KIAA1217: variants seen among roughly 807,000 people sequenced by gnomAD.
KIAA1217 encodes sickle tail protein homolog.
A neutral mutation model predicts 163.9 loss-of-function variants in KIAA1217; 88 were observed. The ratio of observed to expected loss-of-function variants is 0.54; its 90% confidence interval spans 0.45 to 0.64. The LOEUF (loss-of-function observed/expected upper bound fraction) is 0.64, where lower values mean the gene tolerates loss of function less well. KIAA1217 is among the 30% of genes least tolerant of loss of function. KIAA1217 has a pLI of 0.00. For missense variants in KIAA1217, 2,372 were observed against 2,475.0 expected (o/e 0.96, Z 0.88); for synonymous variants, 903 against 923.1 (o/e 0.98, Z 0.39).
At chr10:24,407,900 T>A (rs1194272547) in intron 3 of KIAA1217, among the ~76,000 whole-genome samples, 1 of 152,174 alleles carries the variant, frequency 6.6e-6, no homozygotes, top group Non-Finnish European at 1.5e-5. Flanking sequence ...GGTTTCTGAA[T>A]TTTTTGGTTT....
chr10:23,817,250 C>T (rs1021821923), intron 1 of KIAA1217, among the ~76,000 whole-genome samples: 16 of 152,168 alleles, frequency 1.1e-4, no homozygotes, highest in East Asian at 1.9e-4. Flanking sequence ...TTGGCAGTTG[C>T]GACAGTAGGA....
Position 24,542,880 on chromosome 10 carries a change from C to A in KIAA1217, c.3613-3C>A. On this transcript the variant is annotated splice_region_variant and splice_polypyrimidine_tract_variant and intron_variant, in intron 18 of 20. Coordinates refer to ENST00000376454, the MANE Select transcript of KIAA1217 (RefSeq NM_019590.5). ...GGTTTCCCTCCTCCGTTCTCCCTCT[C>A]AGGTTACCACAGGGGCTGTAAGACC... The A allele has an allele frequency of 6.2e-7, 1 of 1,609,438 alleles. No individual in the cohort carries two copies. Among genetic ancestry groups the A allele is most frequent in the Non-Finnish European group, 8.5e-7 (1 of 1,177,398 alleles).
chr10:24,126,358 T>C (rs902354605), intron 2 of KIAA1217, among the ~76,000 whole-genome samples: 2 of 152,310 alleles, frequency 1.3e-5, no homozygotes, highest in Non-Finnish European at 2.9e-5. Flanking sequence ...TGATGTATTG[T>C]TTTAATACAT....
At chr10:24,455,497 C>A (rs764336334) in intron 5 of KIAA1217, among the ~76,000 whole-genome samples, 6 of 152,200 alleles carry the variant, frequency 3.9e-5, no homozygotes, top group Non-Finnish European at 8.8e-5. Context: ...TGCTAAAGCA[C>A]CCAGTTCCCT....
At chr10:24,449,648 C>T (rs1261699147) in intron 5 of KIAA1217, 31 of 985,276 alleles carry the variant, frequency 3.1e-5, no homozygotes, top group Non-Finnish European at 3.7e-5. Context: ...CCAAGGCTTG[C>T]ATTTAGTCAC....
intron 1 of KIAA1217, among the ~76,000 whole-genome samples, chr10:23,800,111 T>C (rs914273946): frequency 6.6e-6 from 1 of 152,158 alleles, no homozygotes; most frequent in African/African-American, 2.4e-5. Flanking sequence ...GCCTCTCATA[T>C]TTTCACAAAA....
chr10:24,273,808 G>C (rs933109111), intron 2 of KIAA1217, among the ~76,000 whole-genome samples: 1 of 150,154 alleles, frequency 6.7e-6, no homozygotes, highest in Non-Finnish European at 1.5e-5. Context: ...AGCCGAGATC[G>C]TGCCACTGTG....
At chr10:24,074,539 A>G (rs1393139849) in intron 2 of KIAA1217, among the ~76,000 whole-genome samples, 1 of 152,098 alleles carries the variant, frequency 6.6e-6, no homozygotes, top group Non-Finnish European at 1.5e-5. Context: ...GTTTTTTGTT[A>G]CATAAAAAAT....
chr10:24,158,760 C>G, intron 2 of KIAA1217: 1 of 490,690 alleles, frequency 2.0e-6, no homozygotes, highest in Non-Finnish European at 4.1e-6. Context: ...AATCTTGTAT[C>G]CAAAGCAATG....
In KIAA1217 at chr10:23,705,422, T is replaced by C. The variant is rs182865239; in HGVS notation, c.-321+10188T>C. ...GTCTACATTTTATTTTAAGTAAAGA[T>C]TTTTGTATATGGTGTGAGGAAGGGA... On this transcript the variant is annotated intron_variant, in intron 1 of 18. Coordinates refer to the KIAA1217 transcript ENST00000376462. Among the ~76,000 whole-genome samples, 737 of 152,266 alleles carry C rather than the reference T, an allele frequency of 4.8e-3. 4 individuals carry two copies. The highest frequency in any genetic ancestry group is 0.014 in the Middle Eastern group (4 of 294).
At chr10:23,839,539 T>C (rs927968133) in intron 1 of KIAA1217, among the ~76,000 whole-genome samples, 1 of 152,210 alleles carries the variant, frequency 6.6e-6, no homozygotes, top group Non-Finnish European at 1.5e-5. Flanking sequence ...TGGGTTATTT[T>C]ATACAGATCC....
At chr10:24,180,123 A>G (rs2066099708) in intron 2 of KIAA1217, among the ~76,000 whole-genome samples, 1 of 152,046 alleles carries the variant, frequency 6.6e-6, no homozygotes, top group Admixed American at 6.6e-5. Flanking sequence ...TTCCTTCTGT[A>G]TCTGCTGTTT....
chr10:23,966,727 A>G (rs1407307979), intron 1 of KIAA1217, among the ~76,000 whole-genome samples: 3 of 152,222 alleles, frequency 2.0e-5, no homozygotes, highest in African/African-American at 7.2e-5. Context: ...TAGTTTTATG[A>G]TTTAGACTGG....
chr10:24,091,193 C>G (rs1233324660), intron 2 of KIAA1217, among the ~76,000 whole-genome samples: 1 of 151,814 alleles, frequency 6.6e-6, no homozygotes, highest in African/African-American at 2.4e-5. Flanking sequence ...AATTGCTCTG[C>G]TACATAACAA....
rs193052335 is a variant in KIAA1217 at position 23,856,188 on chromosome 10, T to C, written c.-320-151037T>C. ...TGATGGTGATGTACAGATGGGTTTT[T>C]GGTGCGGATGTCCTTTCTGTTTGTT... is the stretch of plus-strand genomic sequence containing the variant. On this transcript the variant is annotated intron_variant, in intron 1 of 18. Coordinates refer to the KIAA1217 transcript ENST00000376462. Among the ~76,000 whole-genome samples, 747 of 152,318 alleles carry C rather than the reference T, an allele frequency of 4.9e-3. 9 individuals are homozygous for C. The highest frequency in any genetic ancestry group is 0.017 in the African/African-American group (689 of 41,588).
intron 3 of KIAA1217, among the ~76,000 whole-genome samples, chr10:24,384,311 G>A (rs954136187): frequency 9.2e-5 from 14 of 151,944 alleles, no homozygotes; most frequent in African/African-American, 3.4e-4. Context: ...TTTTTTAGGA[G>A]CAATTTTTTA....
intron 1 of KIAA1217, among the ~76,000 whole-genome samples, chr10:23,817,782 A>T (rs1052922187): frequency 6.6e-6 from 1 of 151,428 alleles, no homozygotes; most frequent in East Asian, 1.9e-4. Flanking sequence ...GATGACAGTA[A>T]TGCAGTTTTT....
chr10:23,712,261 A>G (rs1421345983), intron 1 of KIAA1217, among the ~76,000 whole-genome samples: 1 of 152,054 alleles, frequency 6.6e-6, no homozygotes, highest in Non-Finnish European at 1.5e-5. Flanking sequence ...CTCTCCTTAC[A>G]TCCCTAGCCC....
intron 2 of KIAA1217, among the ~76,000 whole-genome samples, chr10:24,192,333 C>T (rs950857746): frequency 7.9e-5 from 12 of 152,126 alleles, no homozygotes; most frequent in African/African-American, 2.9e-4. Flanking sequence ...GAGGGCATCT[C>T]TCACATTAGG....
Sources: gnomAD v4.1 joint callset for allele counts (sites outside exome capture counted in the v4.1 genomes callset) on GRCh38, gnomAD v4.1.1 for gene constraint, MANE v1.5 for transcripts, NCBI Gene and HGNC (gene_info 2026-07-23, HGNC 2026-07-21) for gene names.